FGD6: variants seen among roughly 807,000 people sequenced by gnomAD.
FGD6 encodes FYVE, RhoGEF and PH domain containing 6.
FGD6 carries 90 observed loss-of-function variants against 149.4 expected under a neutral mutation model. The observed-to-expected ratio is 0.60, with a 90% confidence interval of 0.51 to 0.72. The LOEUF (loss-of-function observed/expected upper bound fraction) is 0.72, where lower values mean the gene tolerates loss of function less well. Ranked by LOEUF, FGD6 falls within the 30% of genes least tolerant of loss-of-function variation. The probability of loss-of-function intolerance (pLI) is 0.00; values close to 1 mark genes in which losing one functional copy is unlikely to be tolerated. For missense variants in FGD6, 1,437 were observed against 1,684.8 expected (o/e 0.85, Z 2.57); for synonymous variants, 527 against 584.0 (o/e 0.90, Z 1.41).
rs7485352 is a variant in FGD6 at position 95,135,029 on chromosome 12, C to T, written c.2995-203G>A. 5.4e-3 allele frequency among the ~76,000 whole-genome samples: 826 copies of T among 152,264 alleles called. 39 individuals carry two copies. The East Asian group carries it at 0.13, about 24-fold the overall frequency. ...GACTGACCACCAACCTCCACCCTTT[C>T]CTGTAGGCAGTCCCTGAAACCATTT... On this transcript the variant is annotated intron_variant, in intron 7 of 20. Coordinates refer to ENST00000343958, the MANE Select transcript of FGD6 (RefSeq NM_018351.4).
chr12:95,137,755 A>G, intron 6 of FGD6, 77 bp from the exon 7 acceptor site: 1 of 1,004,650 alleles, frequency 1.0e-6, no homozygotes. Context: ...CAGAGTCCAC[A>G]TCTAAGCCGC....
At chr12:95,144,254 G>T (rs890685143) in intron 5 of FGD6, among the ~76,000 whole-genome samples, 1 of 152,202 alleles carries the variant, frequency 6.6e-6, no homozygotes, top group East Asian at 1.9e-4. Context: ...GCTCGGAATG[G>T]ACTGATGGCC....
chr12:95,096,014 CA>C (rs11383119), intron 14 of FGD6, among the ~76,000 whole-genome samples: 164 of 124,566 alleles, frequency 1.3e-3, no homozygotes, highest in Non-Finnish European at 1.5e-3. Flanking sequence ...ACACTGTCTC[CA>C]AAAAAAAAAA....
At position 95,209,680 on chromosome 12, in the gene FGD6, C is replaced by G; in HGVS notation, c.1604G>C (p.Ser535Thr). ...PSSEEKSSEKSLERNHLQHLC... is the reference protein window; with the variant it reads ...PSSEEKSSEKTLERNHLQHLC... ...ATGCTGAAGGTGATTTCTTTCTAGA[C>G]TCTTCTCTGAACTTTTTTCTTCACT... The change falls in exon 2 of 21, where the codon AGT becomes ACT. Residue 535 changes from serine (S) to threonine (T), a missense_variant. Ser to Thr is a moderately conservative substitution (Grantham distance 58, BLOSUM62 1). This residue lies in a region of FGD6 where 1,055 missense variants were observed against 1,146.0 expected (regional missense o/e 0.92). Transcript: ENST00000343958. 1 of 1,613,478 alleles carries G rather than the reference C, an allele frequency of 6.2e-7. No homozygotes were observed. The highest frequency in any genetic ancestry group is 8.5e-7 in the Non-Finnish European group (1 of 1,179,918).
At chr12:95,186,739 T>TC (rs972993634) in intron 2 of FGD6, among the ~76,000 whole-genome samples, 6 of 152,146 alleles carry the variant, frequency 3.9e-5, no homozygotes, top group African/African-American at 1.2e-4. Context: ...CGTTTGCTGA[T>TC]CCTTGGTACA....
intron 3 of FGD6, among the ~76,000 whole-genome samples, chr12:95,156,474 G>T (rs995953681): frequency 6.6e-6 from 1 of 152,106 alleles, no homozygotes; most frequent in African/African-American, 2.4e-5. Flanking sequence ...TTTTTGGTCA[G>T]ACCGGTTGTC....
At chr12:95,153,169 T>C (rs887956943) in intron 3 of FGD6, among the ~76,000 whole-genome samples, 176 bp from the exon 4 acceptor site, 2 of 152,230 alleles carry the variant, frequency 1.3e-5, no homozygotes, top group Admixed American at 6.5e-5. Flanking sequence ...ATAAACCATG[T>C]CACAGGAATA....
intron 2 of FGD6, among the ~76,000 whole-genome samples, chr12:95,188,598 A>C (rs566531362): frequency 3.9e-5 from 6 of 152,320 alleles, no homozygotes; most frequent in Non-Finnish European, 5.9e-5. Flanking sequence ...CCAAAACCTT[A>C]TCTCTCCAGT....
chr12:95,175,816 A>AAAG (rs1555221582), intron 2 of FGD6, among the ~76,000 whole-genome samples: 3 of 137,552 alleles, frequency 2.2e-5, no homozygotes, highest in African/African-American at 5.4e-5. Context: ...AAAAAAAAAA[A>AAAG]AAAGAAAAAA....
Position 95,133,104 on chromosome 12 carries a change from T to A in FGD6, c.3082+1635A>T, listed in dbSNP as rs181776046. Among the ~76,000 whole-genome samples the A allele has an allele frequency of 2.0e-3, 307 of 152,350 alleles. 1 individual carries two copies. Among genetic ancestry groups the A allele is most frequent in the African/African-American group, 6.8e-3 (283 of 41,590 alleles). ...TATGTCATTCCAGACAGAAACCTAG[T>A]GCCTGATTCATCCTTAGAAATTTAA... On this transcript the variant is annotated intron_variant, in intron 8 of 20. Coordinates refer to ENST00000343958, the MANE Select transcript of FGD6 (RefSeq NM_018351.4).
intron 8 of FGD6, among the ~76,000 whole-genome samples, chr12:95,123,294 G>A (rs776314674): frequency 3.9e-5 from 6 of 151,998 alleles, no homozygotes; most frequent in Non-Finnish European, 8.8e-5. Context: ...TACTTGGGAG[G>A]CTCAGGTTGG....
intron 8 of FGD6, among the ~76,000 whole-genome samples, chr12:95,133,330 A>G (rs562604767): frequency 2.3e-4 from 35 of 152,306 alleles, no homozygotes; most frequent in African/African-American, 8.2e-4. Context: ...AGGCAGGAGA[A>G]TCGCTTGAAC....
intron 15 of FGD6, among the ~76,000 whole-genome samples, chr12:95,093,277 G>A (rs1486580426): frequency 1.3e-5 from 2 of 152,154 alleles, no homozygotes; most frequent in Non-Finnish European, 1.5e-5. Context: ...GCTGGGCATG[G>A]TGGCTCACGC....
At chr12:95,092,290 T>C (rs1461102907) in intron 16 of FGD6, among the ~76,000 whole-genome samples, 1 of 152,186 alleles carries the variant, frequency 6.6e-6, no homozygotes, top group African/African-American at 2.4e-5. Context: ...ATTTTACTAA[T>C]GAGATCATGA....
At chr12:95,083,028 T>TACACACACACACAC (rs1275300348) in intron 20 of FGD6, among the ~76,000 whole-genome samples, 2 of 67,856 alleles carry the variant, frequency 2.9e-5, no homozygotes, top group African/African-American at 1.0e-4. Flanking sequence ...TATATATATA[T>TACACACACACACAC]ATACACACAC....
At chr12:95,143,416 G>A (rs1347961784) in intron 5 of FGD6, among the ~76,000 whole-genome samples, 1 of 151,656 alleles carries the variant, frequency 6.6e-6, no homozygotes, top group Non-Finnish European at 1.5e-5. Context: ...CTTAATCAAT[G>A]CTAAAAAACC....
Position 95,091,753 on chromosome 12 carries a change from T to C in FGD6, c.3804A>G (p.Gln1268=), listed in dbSNP as rs1431658019. The change falls in exon 17 of 21, where the codon CAA becomes CAG. Residue 1268 remains glutamine, a synonymous_variant. Transcript: ENST00000343958. ...AACAATGTTCACATACTCTTGCTGGTTGATTTTTCAGGTAATCTAAGCCAT... is the reference window on the plus strand; with the variant it reads ...AACAATGTTCACATACTCTTGCTGGCTGATTTTTCAGGTAATCTAAGCCAT... ...NKYGLDYLKN[Q]PARVCEHCFQ... The C allele has an allele frequency of 6.2e-7, 1 of 1,613,746 alleles. No homozygotes were observed. Among genetic ancestry groups the C allele is most frequent in the East Asian group, 2.2e-5 (1 of 44,816 alleles).
chr12:95,140,202 A>G (rs1879803494), intron 6 of FGD6, among the ~76,000 whole-genome samples: 2 of 152,128 alleles, frequency 1.3e-5, no homozygotes, highest in Non-Finnish European at 1.5e-5. Flanking sequence ...AGTAAATTCA[A>G]TCCTCCTACA....
intron 20 of FGD6, among the ~76,000 whole-genome samples, chr12:95,082,039 G>T (rs1877692775): frequency 6.6e-6 from 1 of 152,040 alleles, no homozygotes; most frequent in Non-Finnish European, 1.5e-5. Context: ...TTGGTAATTT[G>T]GTCCAAAATT....
Sources: allele counts gnomAD v4.1 joint callset (sites outside exome capture counted in the v4.1 genomes callset), GRCh38; gene constraint gnomAD v4.1.1; regional missense constraint gnomAD v4.1.1; transcripts MANE v1.5; gene names NCBI Gene and HGNC (gene_info 2026-07-23, HGNC 2026-07-21).